Variants in CCDC178 observed in about 807,000 individuals in gnomAD.
The protein encoded by CCDC178 is coiled-coil domain containing 178.
CCDC178 carries 126 observed loss-of-function variants against 117.4 expected under a neutral mutation model. The observed-to-expected ratio is 1.07, with a 90% CI of 0.93 to 1.24. The LOEUF (loss-of-function observed/expected upper bound fraction) is 1.24, where lower values mean the gene tolerates loss of function less well. Among genes scored for constraint, CCDC178 ranks in the 50% most tolerant of loss-of-function variants. CCDC178 has a pLI of 0.00. For missense variants in CCDC178, 1,030 were observed against 986.9 expected, an observed-to-expected ratio of 1.04 and a Z score of -0.59; for synonymous variants, 283 against 313.4, an observed-to-expected ratio of 0.90 and a Z score of 1.02.
intron 20 of CCDC178, among the ~76,000 whole-genome samples, chr18:33,124,394 C>A (rs894460671): frequency 1.3e-5 from 2 of 152,146 alleles, no homozygotes; most frequent in Non-Finnish European, 2.9e-5. Context: ...AATCTTTCCA[C>A]AGGTTTTATG....
intron 22 of CCDC178, among the ~76,000 whole-genome samples, chr18:32,965,654 T>C (rs1438095326): frequency 1.3e-5 from 2 of 151,770 alleles, no homozygotes; most frequent in Non-Finnish European, 2.9e-5. Context: ...GTATAAAATA[T>C]GACATTGTTC....
At chr18:33,389,446 T>A (rs2063536850) in intron 5 of CCDC178, 94 bp downstream of exon 5, 1 of 492,144 alleles carries the variant, frequency 2.0e-6, no homozygotes, top group African/African-American at 2.0e-5. Flanking sequence ...GTAGGATTTA[T>A]TTCAAAATAG....
chr18:33,087,106 C>T (rs1471584570), intron 21 of CCDC178, among the ~76,000 whole-genome samples: 3 of 151,954 alleles, frequency 2.0e-5, no homozygotes, highest in African/African-American at 7.3e-5. Context: ...CATCATCACA[C>T]TCAATAAATC....
At chr18:33,211,089 C>A (rs1348553840) in intron 20 of CCDC178, among the ~76,000 whole-genome samples, 1 of 151,310 alleles carries the variant, frequency 6.6e-6, no homozygotes, top group Non-Finnish European at 1.5e-5. Context: ...ATATAAATAT[C>A]ATATTTGAAT....
chr18:33,328,063 T>C (rs1267984484), intron 10 of CCDC178: 1 of 376,288 alleles, frequency 2.7e-6, no homozygotes, highest in Non-Finnish European at 5.1e-6. Context: ...AAATCCAAGG[T>C]CATAAAGATT....
intron 19 of CCDC178, among the ~76,000 whole-genome samples, chr18:33,214,852 T>C (rs2059147209): frequency 6.6e-6 from 1 of 152,036 alleles, no homozygotes; most frequent in Admixed American, 6.6e-5. Flanking sequence ...ATGATTTTGC[T>C]AATGCTTGTA....
At chr18:33,266,890 A>C in intron 14 of CCDC178, 26 bp downstream of exon 14, 1 of 1,499,174 alleles carries the variant, frequency 6.7e-7, no homozygotes, top group Non-Finnish European at 9.0e-7. Flanking sequence ...TATGGTATAT[A>C]AGAAGAAAAG....
intron 21 of CCDC178, among the ~76,000 whole-genome samples, chr18:33,020,193 G>A (rs528603647): frequency 3.0e-4 from 45 of 149,256 alleles, no homozygotes; most frequent in Non-Finnish European, 5.2e-4. Context: ...CTCCTGGCCT[G>A]CCTCAGCCTC....
At chr18:33,421,268 C>A (rs1410004805) in intron 2 of CCDC178, among the ~76,000 whole-genome samples, 2 of 152,152 alleles carry the variant, frequency 1.3e-5, no homozygotes, top group Non-Finnish European at 2.9e-5. Context: ...ACAACAACAA[C>A]AAAAAGATCT....
chr18:33,310,359 A>G lies in CCDC178; in HGVS notation c.1022+13132T>C, dbSNP rs369274307. On this transcript the variant is annotated intron_variant, in intron 11 of 22. Transcript: ENST00000383096. ...ATAAAGTTTGTGAAAGAACATTTAA[A>G]AGATAAATTGTACATGGAATTAAGT... is the stretch of plus-strand genomic sequence containing the variant. 8.3e-4 allele frequency among the ~76,000 whole-genome samples: 126 copies of G among 152,334 alleles called. 2 individuals are homozygous for G. The South Asian group carries it at 0.024, about 29-fold the overall frequency.
intron 21 of CCDC178, among the ~76,000 whole-genome samples, chr18:33,063,458 C>T (rs1336161218): frequency 2.0e-5 from 3 of 152,132 alleles, no homozygotes; most frequent in African/African-American, 7.2e-5. Flanking sequence ...ATGCACCATA[C>T]AGGGGCATAA....
chr18:33,179,033 C>T (rs1386202264), intron 20 of CCDC178, among the ~76,000 whole-genome samples: 4 of 114,748 alleles, frequency 3.5e-5, no homozygotes, highest in Admixed American at 2.2e-4. Context: ...TGAATTTATT[C>T]CTTGATGGAC....
chr18:33,023,033 T>G (rs538886553), intron 21 of CCDC178, among the ~76,000 whole-genome samples: 2 of 152,170 alleles, frequency 1.3e-5, no homozygotes, highest in African/African-American at 4.8e-5. Context: ...CAAGAAGAAG[T>G]TATAGCAATC....
At chr18:33,179,557 GTCTC>G (rs1051721174) in intron 20 of CCDC178, among the ~76,000 whole-genome samples, 1 of 151,862 alleles carries the variant, frequency 6.6e-6, no homozygotes, top group African/African-American at 2.4e-5. Flanking sequence ...GCAAACTAAT[GTCTC>G]TCTCTGTCAT....
At position 33,309,039 on chromosome 18, in the gene CCDC178, A is replaced by T. The variant is rs537023536; in HGVS notation, c.1022+14452T>A. Among the ~76,000 whole-genome samples, 20 of 152,330 alleles carry T rather than the reference A, an allele frequency of 1.3e-4. No homozygotes were observed. The East Asian group carries it at 2.7e-3, about 21-fold the overall frequency. ...AATTATTGATAAAACAAAAATTTTA[A>T]AAAGCCTTCAAAATTGTTGGCATAC... On this transcript the variant is annotated intron_variant, in intron 11 of 22. Coordinates refer to ENST00000383096, the MANE Select transcript of CCDC178 (RefSeq NM_001105528.4).
At chr18:33,243,006 T>C (rs2144683672) in intron 15 of CCDC178, among the ~76,000 whole-genome samples, 1 of 151,920 alleles carries the variant, frequency 6.6e-6, no homozygotes, top group South Asian at 2.1e-4. Flanking sequence ...AAATTAGGTG[T>C]CCAACAACAG....
Position 33,371,308 on chromosome 18 carries a change from A to T in CCDC178, c.209-1119T>A, listed in dbSNP as rs188657065. 2.6e-5 allele frequency among the ~76,000 whole-genome samples: 4 copies of T among 151,914 alleles called. No homozygotes were observed. The East Asian group carries it at 7.8e-4, about 29-fold the overall frequency. On this transcript the variant is annotated intron_variant, in intron 5 of 22. Transcript: ENST00000383096. ...GTGTATATATGTGTATATATATATA[A>T]ATGACCTTTTTATGAGCACTAAAAA...
At chr18:33,227,896 T>C (rs1411551395) in intron 15 of CCDC178, among the ~76,000 whole-genome samples, 2 of 152,086 alleles carry the variant, frequency 1.3e-5, no homozygotes, top group African/African-American at 2.4e-5. Flanking sequence ...CAACAATACG[T>C]TTTGATAATT....
chr18:33,003,533 C>A (rs1568211203), intron 21 of CCDC178, among the ~76,000 whole-genome samples: 2 of 152,012 alleles, frequency 1.3e-5, no homozygotes, highest in Non-Finnish European at 2.9e-5. Flanking sequence ...TAGGAACATA[C>A]CTCAATATAA....
Sources: allele counts gnomAD v4.1 joint callset (sites outside exome capture counted in the v4.1 genomes callset), GRCh38; gene constraint gnomAD v4.1.1; transcripts MANE v1.5; gene names NCBI Gene and HGNC (gene_info 2026-07-23, HGNC 2026-07-21).